Variants in RARB observed in about 807,000 individuals in gnomAD.
The protein encoded by RARB is retinoic acid receptor beta, also known as HBV-activated protein.
A neutral mutation model predicts 51.9 loss-of-function variants in RARB; 17 were observed. The observed-to-expected ratio is 0.33, with a 90% CI of 0.22 to 0.49. The LOEUF (loss-of-function observed/expected upper bound fraction) is 0.49. Among genes scored for constraint, RARB ranks in the 20% least tolerant of loss-of-function variants. RARB has a pLI of 0.99. For missense variants in RARB, 369 were observed against 550.8 expected, an observed-to-expected ratio of 0.67 and a Z score of 3.30; for synonymous variants, 215 against 195.4, an observed-to-expected ratio of 1.10 and a Z score of -0.84.
At chr3:25,585,719 C>T (rs1278805274) in intron 5 of RARB, among the ~76,000 whole-genome samples, 1 of 152,156 alleles carries the variant, frequency 6.6e-6, no homozygotes, top group Non-Finnish European at 1.5e-5. Flanking sequence ...TTGCCTCTGC[C>T]GGGGTTGCCC....
chr3:25,362,790 C>A (rs1335903290), intron 5 of RARB, among the ~76,000 whole-genome samples: 1 of 152,180 alleles, frequency 6.6e-6, no homozygotes, highest in Admixed American at 6.5e-5. Flanking sequence ...GCTCATCCTT[C>A]ATGGGCTACA....
intron 3 of RARB, among the ~76,000 whole-genome samples, chr3:25,066,662 G>A (rs1267527891): frequency 1.3e-5 from 2 of 151,080 alleles, no homozygotes; most frequent in Non-Finnish European, 2.9e-5. Context: ...TCATAAGGCA[G>A]TTTTCCAAAG....
intron 5 of RARB, among the ~76,000 whole-genome samples, chr3:25,334,306 A>C (rs1704995645): frequency 6.6e-6 from 1 of 152,250 alleles, no homozygotes; most frequent in South Asian, 2.1e-4. Flanking sequence ...AGACCGGATT[A>C]AGAAAATGTG....
chr3:25,336,459 TTC>T (rs1201705526), intron 5 of RARB, among the ~76,000 whole-genome samples: 1 of 152,236 alleles, frequency 6.6e-6, no homozygotes, highest in Non-Finnish European at 1.5e-5. Context: ...GTTTAATGGC[TTC>T]TTATTGTCAT....
intron 5 of RARB, among the ~76,000 whole-genome samples, chr3:25,249,154 G>A (rs903413088): frequency 1.3e-5 from 2 of 151,552 alleles, no homozygotes; most frequent in African/African-American, 4.8e-5. Flanking sequence ...ATTTTTATCT[G>A]GTTTATTTCA....
intron 3 of RARB, among the ~76,000 whole-genome samples, chr3:25,109,305 A>T (rs1282381320): frequency 2.0e-5 from 3 of 152,154 alleles, no homozygotes; most frequent in Non-Finnish European, 4.4e-5. Flanking sequence ...TCAACACCTG[A>T]TGAGTGATGG....
chr3:25,551,662 T>C (rs1444388538), intron 3 of RARB, among the ~76,000 whole-genome samples: 1 of 152,104 alleles, frequency 6.6e-6, no homozygotes, highest in African/African-American at 2.4e-5. Flanking sequence ...GAGATTCGAG[T>C]CTCCTGGATA....
intron 3 of RARB, among the ~76,000 whole-genome samples, chr3:25,541,871 A>T (rs1388624396): frequency 2.0e-5 from 3 of 152,152 alleles, no homozygotes; most frequent in Non-Finnish European, 4.4e-5. Context: ...GGTCACCACC[A>T]TGGTACTAGC....
At chr3:25,473,234 T>G (rs1695785386) in intron 2 of RARB, among the ~76,000 whole-genome samples, 1 of 152,030 alleles carries the variant, frequency 6.6e-6, no homozygotes, top group Admixed American at 6.6e-5. Flanking sequence ...GAAAGGAAGA[T>G]TAAATGTGTC....
intron 5 of RARB, among the ~76,000 whole-genome samples, chr3:25,315,775 A>G (rs1022218263): frequency 1.5e-5 from 2 of 136,204 alleles, no homozygotes; most frequent in South Asian, 2.3e-4. Flanking sequence ...CACCACACTC[A>G]GCTAATTTTT....
At chr3:25,522,894 G>A (rs1479248242) in intron 3 of RARB, among the ~76,000 whole-genome samples, 1 of 152,156 alleles carries the variant, frequency 6.6e-6, no homozygotes, top group Non-Finnish European at 1.5e-5. Flanking sequence ...GTCTCCAGTA[G>A]ACACTGGGTG....
intron 5 of RARB, among the ~76,000 whole-genome samples, chr3:25,312,013 G>GA (rs1449307391): frequency 1.3e-5 from 2 of 152,138 alleles, no homozygotes; most frequent in East Asian, 1.9e-4. Context: ...AAAAGTATGT[G>GA]AAAAAATAAA....
In RARB at chr3:25,257,976, A is replaced by G. The variant is rs1034403732; in HGVS notation, c.178+83401A>G. Among the ~76,000 whole-genome samples, 11 of 152,276 alleles carry G rather than the reference A, an allele frequency of 7.2e-5. 1 individual carries two copies. Among genetic ancestry groups the G allele is most frequent in the Admixed American group, 2.6e-4 (4 of 15,286 alleles). Reference sequence around the variant, plus strand: ...ACAGCACTCTCTTCCTGCCATAGCAATGGCATTTACTGACTTACGTTGTAA... The same window carrying G: ...ACAGCACTCTCTTCCTGCCATAGCAGTGGCATTTACTGACTTACGTTGTAA... On this transcript the variant is annotated intron_variant, in intron 5 of 11. Coordinates refer to the RARB transcript ENST00000383772.
chr3:25,586,703 CGCCCTGGAGACTGTGCAGCTGTATA>C (rs1559480956), intron 5 of RARB, among the ~76,000 whole-genome samples: 1 of 152,164 alleles, frequency 6.6e-6, no homozygotes, highest in Admixed American at 6.5e-5. Flanking sequence ...GGCTCCTTGA[CGCCCTGGAGACTGTGCAGCTGTATA>C]GCCATGGAGG....
At chr3:25,191,462 C>A (rs1701101353) in intron 5 of RARB, among the ~76,000 whole-genome samples, 1 of 152,102 alleles carries the variant, frequency 6.6e-6, no homozygotes, top group South Asian at 2.1e-4. Flanking sequence ...TCTCCTACCT[C>A]ACTTAGGGTG....
At chr3:25,332,271 C>A (rs566613835) in intron 5 of RARB, among the ~76,000 whole-genome samples, 1 of 152,258 alleles carries the variant, frequency 6.6e-6, no homozygotes, top group Non-Finnish European at 1.5e-5. Flanking sequence ...ATGCAGAAAT[C>A]CTCAATAAAA....
intron 1 of RARB, among the ~76,000 whole-genome samples, chr3:24,834,395 A>C (rs1702316412): frequency 6.6e-6 from 1 of 152,234 alleles, no homozygotes; most frequent in Non-Finnish European, 1.5e-5. Flanking sequence ...TACATTTAAG[A>C]GACTGAGAAT....
intron 2 of RARB, among the ~76,000 whole-genome samples, chr3:25,033,946 T>G (rs1465701358): frequency 1.3e-5 from 2 of 152,188 alleles, no homozygotes; most frequent in African/African-American, 2.4e-5. Flanking sequence ...CTTTAAATGT[T>G]GGTAAAATGT....
chr3:25,167,411 C>A (rs1465654038), intron 4 of RARB, among the ~76,000 whole-genome samples: 1 of 152,062 alleles, frequency 6.6e-6, no homozygotes, highest in East Asian at 1.9e-4. Context: ...AGATGGACAG[C>A]AAATGTGCAG....
Sources: allele counts gnomAD v4.1 joint callset (sites outside exome capture counted in the v4.1 genomes callset), GRCh38; gene constraint gnomAD v4.1.1; transcripts MANE v1.5; gene names NCBI Gene and HGNC (gene_info 2026-07-23, HGNC 2026-07-21).